TM9SF2: variants seen among roughly 807,000 people sequenced by gnomAD.
TM9SF2 encodes the protein transmembrane 9 superfamily member 2, also known as 76 kDa membrane protein.
A neutral mutation model predicts 84.9 loss-of-function variants in TM9SF2; 13 were observed. The ratio of observed to expected loss-of-function variants is 0.15; its 90% CI spans 0.10 to 0.24. TM9SF2 has a LOEUF of 0.24. Ranked by LOEUF, TM9SF2 falls within the 10% of genes least tolerant of loss-of-function variation. The pLI is 1.00. For missense variants in TM9SF2, 562 were observed against 818.5 expected (o/e 0.69, Z 3.82); for synonymous variants, 273 against 285.8 (o/e 0.96, Z 0.45).
intron 4 of TM9SF2, among the ~76,000 whole-genome samples, chr13:99,534,409 G>A (rs1217858852): frequency 6.6e-6 from 1 of 152,046 alleles, no homozygotes; most frequent in Non-Finnish European, 1.5e-5. Flanking sequence ...GCCAACTGTG[G>A]GCTACCCTCT....
chr13:99,536,426 A>G (rs936162600), intron 4 of TM9SF2, among the ~76,000 whole-genome samples, 182 bp from the exon 5 acceptor site: 1 of 151,984 alleles, frequency 6.6e-6, no homozygotes, highest in Non-Finnish European at 1.5e-5. Context: ...GCAGTGTATC[A>G]GATACTGGCA....
chr13:99,541,796 AAATTCTTCT>A, intron 9 of TM9SF2, 129 bp downstream of exon 9: 1 of 567,850 alleles, frequency 1.8e-6, no homozygotes, highest in Non-Finnish European at 3.0e-6. Flanking sequence ...AAAAACAAAA[AAATTCTTCT>A]CAAAAGTTAT....
intron 1 of TM9SF2, among the ~76,000 whole-genome samples, chr13:99,507,822 T>C (rs2046094975): frequency 6.6e-6 from 1 of 152,216 alleles, no homozygotes; most frequent in Non-Finnish European, 1.5e-5. Context: ...ATCTCTTCAC[T>C]GAAATTTCTT....
chr13:99,501,490 C>T lies in TM9SF2; in HGVS notation c.-117C>T, dbSNP rs1409083658. Reference sequence around the variant, plus strand: ...GTCTCCTAGCGCAACCGGAACTAGCCTTCTGGGGGCCGGCTTCCTTTATCT... The same window carrying T: ...GTCTCCTAGCGCAACCGGAACTAGCTTTCTGGGGGCCGGCTTCCTTTATCT... On this transcript the variant is annotated 5_prime_UTR_variant, in exon 1 of 17. Coordinates refer to ENST00000376387, the MANE Select transcript of TM9SF2 (RefSeq NM_004800.3). 1.9e-5 allele frequency: 26 copies of T among 1,358,638 alleles called. No individual in the cohort carries two copies. Among genetic ancestry groups the T allele is most frequent in the South Asian group, 8.3e-5 (6 of 72,394 alleles). 84.2% of individuals were successfully genotyped at this position (1,358,638 alleles called of 1,614,324 possible). A position where few individuals can be genotyped will look rare whatever the true frequency, so the allele number is the denominator to read the frequency against.
At chr13:99,541,751 A>G (rs2046260531) in intron 9 of TM9SF2, 84 bp downstream of exon 9, 3 of 868,736 alleles carry the variant, frequency 3.5e-6, no homozygotes, top group Admixed American at 2.9e-5. Flanking sequence ...TAGCTTTAGA[A>G]TCTGCTTTTA....
At chr13:99,531,639 C>T (rs186667563) in intron 4 of TM9SF2, among the ~76,000 whole-genome samples, 84 of 152,158 alleles carry the variant, frequency 5.5e-4, no homozygotes, top group Non-Finnish European at 1.0e-3. Flanking sequence ...TCTGTGTAGG[C>T]TAGTGGGGCT....
Position 99,563,766 on chromosome 13 carries a change from A to G in TM9SF2, c.*1008A>G, listed in dbSNP as rs1038154484. ...TCACTAGCAAGTCTTCATCTTTATG[A>G]TTTCATTGTTTTAATTTAGATTTCA... On this transcript the variant is annotated 3_prime_UTR_variant, in exon 17 of 17. Coordinates refer to ENST00000376387, the MANE Select transcript of TM9SF2 (RefSeq NM_004800.3). The G allele has an allele frequency of 6.6e-6, 1 of 152,178 alleles. No homozygotes were observed. Among genetic ancestry groups the G allele is most frequent in the African/African-American group, 2.4e-5 (1 of 41,440 alleles). 9.4% of individuals were successfully genotyped at this position (152,178 alleles called of 1,614,324 possible).
chr13:99,508,404 A>AACAC (rs61561266), intron 1 of TM9SF2, among the ~76,000 whole-genome samples: 14,929 of 134,360 alleles, frequency 0.11, 808 homozygotes, highest in South Asian at 0.12. Flanking sequence ...AGGCAAACAA[A>AACAC]ACACACACAC....
At chr13:99,546,873 T>TAAAAAA in intron 10 of TM9SF2, 112 bp from the exon 11 acceptor site, 42 of 1,440,408 alleles carry the variant, frequency 2.9e-5, no homozygotes, top group South Asian at 1.5e-4. Context: ...CACATGGTTT[T>TAAAAAA]GCGTGAAGTT....
chr13:99,515,289 A>G (rs1158282521), intron 1 of TM9SF2, among the ~76,000 whole-genome samples: 1 of 152,226 alleles, frequency 6.6e-6, no homozygotes, highest in Non-Finnish European at 1.5e-5. Flanking sequence ...GAATTCTGAC[A>G]TATCTTCATA....
chr13:99,548,417 G>A (rs1555340897), intron 11 of TM9SF2, among the ~76,000 whole-genome samples: 1 of 152,202 alleles, frequency 6.6e-6, no homozygotes, highest in Non-Finnish European at 1.5e-5. Flanking sequence ...TTTAGGGCAA[G>A]TGGCACTTAA....
intron 1 of TM9SF2, among the ~76,000 whole-genome samples, chr13:99,502,818 A>AT (rs1395441073): frequency 1.3e-5 from 2 of 152,254 alleles, no homozygotes; most frequent in African/African-American, 2.4e-5. Context: ...ATTAAGTTTG[A>AT]TTTTTTTAAG....
chr13:99,509,489 G>A (rs953202017), intron 1 of TM9SF2, among the ~76,000 whole-genome samples: 4 of 152,220 alleles, frequency 2.6e-5, no homozygotes, highest in African/African-American at 9.7e-5. Flanking sequence ...CTTCGCTCTT[G>A]AACTCTGTGT....
At chr13:99,509,481 TC>T (rs2046103973) in intron 1 of TM9SF2, among the ~76,000 whole-genome samples, 1 of 152,250 alleles carries the variant, frequency 6.6e-6, no homozygotes, top group South Asian at 2.1e-4. Flanking sequence ...CAAGCATTCT[TC>T]GCTCTTGAAC....
rs973984516 is a variant in TM9SF2 at position 99,554,174 on chromosome 13, C to T, written c.1489-130C>T. 12 of 1,120,266 alleles carry T rather than the reference C, an allele frequency of 1.1e-5. 1 individual carries two copies. In the East Asian group the frequency reaches 3.0e-4, roughly 28 times the overall value. The allele number at this position is 1,120,266 out of a possible 1,614,324, so 69.4% of individuals were successfully genotyped here. On this transcript the variant is annotated intron_variant, in intron 13 of 16. Transcript: ENST00000376387. ...CCAAAGACAAATTTCAGTTTGATGT[C>T]TTAAGTAGACTTTATTGCCATTAGT...
chr13:99,559,047 T>C (rs1179619212), intron 15 of TM9SF2, among the ~76,000 whole-genome samples: 1 of 152,226 alleles, frequency 6.6e-6, no homozygotes, highest in Non-Finnish European at 1.5e-5. Context: ...TGTAAGCTAT[T>C]TGCACATCGC....
At chr13:99,554,206 A>G in intron 13 of TM9SF2, 98 bp from the exon 14 acceptor site, 1 of 1,430,286 alleles carries the variant, frequency 7.0e-7, no homozygotes, top group Middle Eastern at 1.8e-4. Flanking sequence ...TAGTGACAAC[A>G]TAGAAGCTGA....
At chr13:99,536,802 C>G in intron 5 of TM9SF2, 65 bp downstream of exon 5, 1 of 1,571,072 alleles carries the variant, frequency 6.4e-7, no homozygotes. Context: ...TCAGTCTTTA[C>G]CTGGACAAAA....
At chr13:99,522,365 A>G (rs1244413770) in intron 3 of TM9SF2, among the ~76,000 whole-genome samples, 1 of 152,208 alleles carries the variant, frequency 6.6e-6, no homozygotes, top group Non-Finnish European at 1.5e-5. Flanking sequence ...TAAAATTGCC[A>G]GTAACTTTTA....
Sources: gnomAD v4.1 joint callset for allele counts (sites outside exome capture counted in the v4.1 genomes callset) on GRCh38, gnomAD v4.1.1 for gene constraint, MANE v1.5 for transcripts, NCBI Gene and HGNC (gene_info 2026-07-23, HGNC 2026-07-21) for gene names.